EQTN: variants seen among roughly 807,000 people sequenced by gnomAD.
EQTN encodes equatorin, also known as Acrosome formation associated factor.
A neutral mutation model predicts 26.9 loss-of-function variants in EQTN; 29 were observed. The observed-to-expected ratio is 1.08, with a 90% confidence interval of 0.80 to 1.47. EQTN has a LOEUF of 1.47. Among genes scored for constraint, EQTN ranks in the 40% most tolerant of loss-of-function variants. The pLI is 0.00. For synonymous variants in EQTN, 129 were observed against 120.0 expected (o/e 1.07, Z -0.49); for missense variants, 391 against 346.1 (o/e 1.13, Z -1.03).
intron 2 of EQTN, 65 bp downstream of exon 2, chr9:27,296,548 A>ATG: frequency 8.8e-7 from 1 of 1,142,072 alleles, no homozygotes; most frequent in Non-Finnish European, 1.2e-6. Context: ...TTTAAAAAGG[A>ATG]CACTTAAGTG....
At chr9:27,293,007 C>T (rs572856814) in intron 3 of EQTN, among the ~76,000 whole-genome samples, 12 of 152,064 alleles carry the variant, frequency 7.9e-5, no homozygotes, top group Non-Finnish European at 1.6e-4. Context: ...GTAATGGGTC[C>T]CTCTAGAGGA....
In EQTN at chr9:27,289,714, C is replaced by T; in HGVS notation, c.439G>A (p.Val147Met). ...MLAKAINGTA[V>M]VMDDKDQLFH... Reference sequence around the variant, plus strand: ...AATTGATCTTTATCATCCATGACCACTGCTGTTCCATTTATAGCTGTTAAA... The same window carrying T: ...AATTGATCTTTATCATCCATGACCATTGCTGTTCCATTTATAGCTGTTAAA... The change falls in exon 6 of 8, where the codon GTG becomes ATG. Residue 147 changes from valine to methionine, a missense_variant. Transcript: ENST00000380032. 1.9e-6 allele frequency: 3 copies of T among 1,606,028 alleles called. No homozygotes were observed. The highest frequency in any genetic ancestry group is 2.6e-6 in the Non-Finnish European group (3 of 1,175,944).
chr9:27,285,793 A>G (rs1279626936), intron 7 of EQTN, among the ~76,000 whole-genome samples: 3 of 152,222 alleles, frequency 2.0e-5, no homozygotes, highest in African/African-American at 7.2e-5. Context: ...TAATATTTTT[A>G]TAAGAAAGAG....
chr9:27,289,166 C>A (rs28658539), intron 6 of EQTN, among the ~76,000 whole-genome samples: 2,906 of 152,168 alleles, frequency 0.019, 92 homozygotes, highest in African/African-American at 0.066. Flanking sequence ...AAAATAAAGT[C>A]TATTTTGAAA....
At chr9:27,294,233 T>G in intron 3 of EQTN, 83 bp downstream of exon 3, 1 of 903,150 alleles carries the variant, frequency 1.1e-6, no homozygotes, top group South Asian at 1.8e-5. Flanking sequence ...AAGACTTCTT[T>G]TCTCCCCAAC....
chr9:27,291,000 C>T lies in EQTN; in HGVS notation c.421+19G>A. The T allele has an allele frequency of 5.6e-6, 9 of 1,609,390 alleles. No individual in the cohort carries two copies. Among genetic ancestry groups the T allele is most frequent in the Non-Finnish European group, 7.6e-6 (9 of 1,178,474 alleles). ...GAAAACCAAAATGTTTCCCAAGCTA[C>T]CTAGCTGTATGACTTTACCTTTAGC... On this transcript the variant is annotated intron_variant, in intron 5 of 7. Transcript: ENST00000380032.
chr9:27,285,239 G>C (rs983334943), intron 7 of EQTN, among the ~76,000 whole-genome samples: 1 of 143,980 alleles, frequency 6.9e-6, no homozygotes, highest in African/African-American at 2.6e-5. Context: ...CGCCTCCCAG[G>C]GGCACGCGAT....
chr9:27,285,386 C>T (rs1188683813), intron 7 of EQTN, among the ~76,000 whole-genome samples: 1 of 152,106 alleles, frequency 6.6e-6, no homozygotes. Flanking sequence ...TCGTGATCCA[C>T]CTGCCTTGGC....
intron 6 of EQTN, among the ~76,000 whole-genome samples, chr9:27,289,206 AC>A (rs1820178948): frequency 6.6e-6 from 1 of 152,138 alleles, no homozygotes; most frequent in African/African-American, 2.4e-5. Context: ...TTATTCACTC[AC>A]CTCCTCCATT....
Position 27,295,604 on chromosome 9 carries a change from C to A in EQTN, c.202+1009G>T, listed in dbSNP as rs1056310703. Among the ~76,000 whole-genome samples the A allele has an allele frequency of 6.6e-5, 10 of 151,790 alleles. No individual in the cohort carries two copies. The East Asian group carries it at 1.9e-3, about 30-fold the overall frequency. Reference sequence around the variant, plus strand: ...ATCCCAGCACTTTGGGAGGCCGAGGCGGGCGGATCACGAGGTCAGGAGATC... The same window carrying A: ...ATCCCAGCACTTTGGGAGGCCGAGGAGGGCGGATCACGAGGTCAGGAGATC... On this transcript the variant is annotated intron_variant, in intron 2 of 7. Coordinates refer to ENST00000380032, the MANE Select transcript of EQTN (RefSeq NM_020641.3).
chr9:27,293,481 C>A (rs1017885344), intron 3 of EQTN, among the ~76,000 whole-genome samples: 5 of 152,178 alleles, frequency 3.3e-5, no homozygotes, highest in African/African-American at 9.7e-5. Context: ...GCCAGCAGGT[C>A]TCCTTCTGTC....
Position 27,296,597 on chromosome 9 carries a change from C to G in EQTN, c.202+16G>C, listed in dbSNP as rs7044345. The G allele has an allele frequency of 0.96, 1,381,037 of 1,442,058 alleles. 669,903 individuals carry two copies. The highest frequency in any genetic ancestry group is 0.99 in the Non-Finnish European group (1,042,178 of 1,048,116). The allele number at this position is 1,442,058 out of a possible 1,614,324, so 89.3% of individuals were successfully genotyped here. On this transcript the variant is annotated intron_variant, in intron 2 of 7. Coordinates refer to ENST00000380032, the MANE Select transcript of EQTN (RefSeq NM_020641.3). ...CAACTTTTGCATATACATTTCTATT[C>G]ACTTTAAAGACTTACATTGTTTTAT...
At chr9:27,290,955 T>G in intron 5 of EQTN, 64 bp downstream of exon 5, 1 of 1,452,530 alleles carries the variant, frequency 6.9e-7, no homozygotes, top group Non-Finnish European at 9.5e-7. Flanking sequence ...AGACTGATCT[T>G]AGCTCTAAGT....
chr9:27,285,607 G>A (rs905997142), intron 7 of EQTN, among the ~76,000 whole-genome samples: 1 of 152,058 alleles, frequency 6.6e-6, no homozygotes, highest in Non-Finnish European at 1.5e-5. Context: ...AAATACCTAG[G>A]ATCACAGTTT....
Position 27,284,707 on chromosome 9 carries a change from G to A in EQTN, c.*16C>T, listed in dbSNP as rs1187402401. The A allele has an allele frequency of 1.2e-6, 2 of 1,601,552 alleles. No individual in the cohort carries two copies. The highest frequency in any genetic ancestry group is 1.7e-6 in the Non-Finnish European group (2 of 1,174,060). On this transcript the variant is annotated 3_prime_UTR_variant, in exon 8 of 8. Coordinates refer to ENST00000380032, the MANE Select transcript of EQTN (RefSeq NM_020641.3). ...TATTCATCAATAAGATTTCTTCACC[G>A]GGTTCCTTGATTTCTTCACCGGGTA... is the stretch of plus-strand genomic sequence containing the variant.
chr9:27,294,605 T>C (rs1285593700), intron 2 of EQTN: 2 of 349,274 alleles, frequency 5.7e-6, no homozygotes, highest in Admixed American at 4.5e-5. Flanking sequence ...CAAACTAGTA[T>C]CTTTATGCCA....
intron 4 of EQTN, among the ~76,000 whole-genome samples, chr9:27,291,835 A>G (rs1563832361): frequency 6.6e-6 from 1 of 152,194 alleles, no homozygotes. Flanking sequence ...GTAAGTATCC[A>G]TTCTCTTCAA....
Position 27,289,666 on chromosome 9 carries a change from T to A in EQTN, c.481+6A>T. 6.2e-7 allele frequency: 1 copy of A among 1,602,872 alleles called. No homozygotes were observed. Reference sequence around the variant, plus strand: ...CACCCAGTCAATTGAAATATTTTGTTCTTACCTGGAATTGGGTGAAATAAT... The same window carrying A: ...CACCCAGTCAATTGAAATATTTTGTACTTACCTGGAATTGGGTGAAATAAT... On this transcript the variant is annotated splice_donor_region_variant and intron_variant, in intron 6 of 7. Transcript: ENST00000380032.
At chr9:27,286,116 G>A in intron 7 of EQTN, 93 bp downstream of exon 7, 2 of 1,244,544 alleles carry the variant, frequency 1.6e-6, no homozygotes, top group Non-Finnish European at 1.1e-6. Flanking sequence ...TGAATTCAGA[G>A]GTCACATATT....
Sources: gnomAD v4.1 joint callset for allele counts (sites outside exome capture counted in the v4.1 genomes callset) on GRCh38, gnomAD v4.1.1 for gene constraint, MANE v1.5 for transcripts, NCBI Gene and HGNC (gene_info 2026-07-23, HGNC 2026-07-21) for gene names.